The following ANKS1B variants were observed in gnomAD, a reference collection of about 807,000 sequenced individuals.
ANKS1B encodes ankyrin repeat and sterile alpha motif domain containing 1B.
In ANKS1B, 36 loss-of-function variants were observed where a neutral mutation model predicts 148.3. That is an observed-to-expected ratio of 0.24 (90% CI 0.19 to 0.32). The LOEUF (loss-of-function observed/expected upper bound fraction) is 0.32. Among genes scored for constraint, ANKS1B ranks in the 10% least tolerant of loss-of-function variants. ANKS1B has a pLI of 1.00. For synonymous variants in ANKS1B, 542 were observed against 560.8 expected (o/e 0.97, Z 0.47); for missense variants, 1,157 against 1,542.6 (o/e 0.75, Z 4.19).
At chr12:99,291,546 C>A (rs1355404241) in intron 12 of ANKS1B, among the ~76,000 whole-genome samples, 1 of 152,098 alleles carries the variant, frequency 6.6e-6, no homozygotes, top group African/African-American at 2.4e-5. Flanking sequence ...AAAACAGGCA[C>A]ATAGACCAAT....
chr12:98,996,299 C>T (rs1464138472), intron 17 of ANKS1B, among the ~76,000 whole-genome samples: 3 of 152,162 alleles, frequency 2.0e-5, no homozygotes, highest in Non-Finnish European at 4.4e-5. Context: ...TACACAAGAA[C>T]CTTCAGTGTC....
intron 17 of ANKS1B, among the ~76,000 whole-genome samples, chr12:98,844,573 A>G (rs1377488957): frequency 6.6e-6 from 1 of 152,224 alleles, no homozygotes. Flanking sequence ...GACCAGGAGA[A>G]TGTCATAGAT....
intron 12 of ANKS1B, among the ~76,000 whole-genome samples, chr12:99,252,105 A>G (rs192387706): frequency 1.3e-5 from 2 of 152,378 alleles, no homozygotes; most frequent in Admixed American, 1.3e-4. Context: ...TGTCTTTCTC[A>G]GGAGCTGACA....
intron 1 of ANKS1B, among the ~76,000 whole-genome samples, chr12:99,854,137 G>A (rs906318694): frequency 3.3e-5 from 5 of 152,096 alleles, no homozygotes; most frequent in African/African-American, 9.7e-5. Flanking sequence ...TCAGCCTCCC[G>A]AGTAGCTGGG....
chr12:98,751,998 A>T lies in ANKS1B; in HGVS notation c.3580-476T>A, dbSNP rs1302934040. 6.6e-6 allele frequency among the ~76,000 whole-genome samples: 1 copy of T among 152,222 alleles called. No homozygotes were observed. ...AAGCCAGACTAAGGCATAAGTGACT[A>T]TTCCTGTAAATTGTGTATTCAGTGA... On this transcript the variant is annotated intron_variant, in intron 25 of 26. Transcript: ENST00000683438. The surrounding 1 kb of genome is among the most constrained non-coding windows in gnomAD (Gnocchi z 4.3).
chr12:98,976,081 T>C (rs1211272027), intron 17 of ANKS1B, among the ~76,000 whole-genome samples: 1 of 152,240 alleles, frequency 6.6e-6, no homozygotes, highest in Non-Finnish European at 1.5e-5. Flanking sequence ...AAAACAATCA[T>C]GTCTATAAGA....
chr12:99,213,346 A>T (rs2083632640), intron 14 of ANKS1B, among the ~76,000 whole-genome samples: 1 of 152,178 alleles, frequency 6.6e-6, no homozygotes. Context: ...AACATTGCTC[A>T]TCACTCACCT....
rs111976575 is a variant in ANKS1B at position 99,608,189 on chromosome 12, C to A, written c.1272+46878G>T. Among the ~76,000 whole-genome samples, 700 of 152,156 alleles carry A rather than the reference C, an allele frequency of 4.6e-3. 8 individuals carry two copies. Among genetic ancestry groups the A allele is most frequent in the Non-Finnish European group, 7.5e-3 (511 of 67,986 alleles). On this transcript the variant is annotated intron_variant, in intron 9 of 26. Coordinates refer to ENST00000683438, the MANE Select transcript of ANKS1B (RefSeq NM_001352186.2). ...TAGTGTGTAACCTAATGTCAATTAG[C>A]CCATTTTGTGTCCCGCTTATCCTAA...
At chr12:99,723,127 C>T (rs959580704) in intron 8 of ANKS1B, among the ~76,000 whole-genome samples, 2 of 152,240 alleles carry the variant, frequency 1.3e-5, no homozygotes, top group Non-Finnish European at 2.9e-5. Flanking sequence ...CTTAAGCCTG[C>T]TGAGTTCCCG....
intron 10 of ANKS1B, among the ~76,000 whole-genome samples, chr12:99,476,399 AATAAT>A (rs1351983681): frequency 6.6e-6 from 1 of 152,220 alleles, no homozygotes; most frequent in Non-Finnish European, 1.5e-5. Context: ...TCAAAAATAA[AATAAT>A]AAAATAAAAA....
intron 15 of ANKS1B, among the ~76,000 whole-genome samples, chr12:99,087,844 C>T (rs1379059955): frequency 6.6e-6 from 1 of 152,144 alleles, no homozygotes; most frequent in Admixed American, 6.5e-5. Flanking sequence ...AACTGGATTT[C>T]AGTGTTTGAA....
At chr12:99,655,590 T>G (rs2098446226) in intron 8 of ANKS1B, among the ~76,000 whole-genome samples, 1 of 152,154 alleles carries the variant, frequency 6.6e-6, no homozygotes, top group African/African-American at 2.4e-5. Flanking sequence ...AATATTTTAT[T>G]GAAATGGGAA....
At chr12:99,753,119 T>C (rs1395551749) in intron 8 of ANKS1B, among the ~76,000 whole-genome samples, 1 of 152,152 alleles carries the variant, frequency 6.6e-6, no homozygotes, top group Non-Finnish European at 1.5e-5. Flanking sequence ...TTCCAATTAA[T>C]GTTTTTAATA....
chr12:99,859,629 T>A (rs756981749), intron 1 of ANKS1B, among the ~76,000 whole-genome samples: 6 of 151,804 alleles, frequency 4.0e-5, no homozygotes, highest in Admixed American at 3.3e-4. Context: ...ATAAAAACTG[T>A]TGAAAGTTTT....
chr12:99,902,887 A>C (rs2093647381), intron 1 of ANKS1B, among the ~76,000 whole-genome samples: 1 of 151,230 alleles, frequency 6.6e-6, no homozygotes, highest in Non-Finnish European at 1.5e-5. Context: ...AGCAGCTGGG[A>C]CTACAGGCAT....
At chr12:99,393,278 C>G (rs1341365915) in intron 12 of ANKS1B, among the ~76,000 whole-genome samples, 1 of 152,150 alleles carries the variant, frequency 6.6e-6, no homozygotes, top group African/African-American at 2.4e-5. Flanking sequence ...GATGGGTTCT[C>G]AGGTCATTCA....
At chr12:99,174,721 A>G (rs551324475) in intron 14 of ANKS1B, among the ~76,000 whole-genome samples, 32 of 152,314 alleles carry the variant, frequency 2.1e-4, no homozygotes, top group Middle Eastern at 6.8e-3. Context: ...ATCCAGAATC[A>G]AGCTGCAACT....
At chr12:98,830,304 C>G (rs746718711) in intron 18 of ANKS1B, among the ~76,000 whole-genome samples, 1 of 151,400 alleles carries the variant, frequency 6.6e-6, no homozygotes, top group Admixed American at 6.6e-5. Context: ...GGTGAAATTT[C>G]TATTTGTACT....
chr12:99,656,753 T>TA (rs34867073), intron 8 of ANKS1B, among the ~76,000 whole-genome samples: 30,854 of 150,988 alleles, frequency 0.2, 4,016 homozygotes, highest in Non-Finnish European at 0.28. Flanking sequence ...AGACTCAATT[T>TA]AAAAAAAAAG....
Sources: gnomAD v4.1 joint callset for allele counts (sites outside exome capture counted in the v4.1 genomes callset) on GRCh38, gnomAD v4.1.1 for gene constraint, Gnocchi (gnomAD v3.1) non-coding constraint, MANE v1.5 for transcripts, NCBI Gene and HGNC (gene_info 2026-07-23, HGNC 2026-07-21) for gene names.